STK39: variants seen among roughly 807,000 people sequenced by gnomAD.
STK39 encodes serine/threonine kinase 39, also known as STE20/SPS1-related proline-alanine-rich protein kinase.
Under a neutral mutation model 77.8 loss-of-function variants are expected in STK39, and 20 were observed. The observed-to-expected ratio is 0.26, with a 90% CI of 0.18 to 0.37. The LOEUF (loss-of-function observed/expected upper bound fraction) is 0.37, where lower values mean the gene tolerates loss of function less well. Ranked by LOEUF, STK39 falls within the 10% of genes least tolerant of loss-of-function variation. The pLI, the probability that STK39 is intolerant of heterozygous loss-of-function variation, is 1.00. For synonymous variants in STK39, 246 were observed against 234.1 expected (o/e 1.05, Z -0.47); for missense variants, 479 against 656.5 (o/e 0.73, Z 2.95).
intron 10 of STK39, among the ~76,000 whole-genome samples, chr2:168,081,161 G>A (rs1456624589): frequency 1.3e-5 from 2 of 152,074 alleles, no homozygotes; most frequent in African/African-American, 4.8e-5. Flanking sequence ...ACCCCAGAAT[G>A]GTAGATCCAC....
chr2:167,956,900 T>C (rs557146063), intron 17 of STK39, among the ~76,000 whole-genome samples: 2 of 152,168 alleles, frequency 1.3e-5, no homozygotes, highest in Admixed American at 6.5e-5. Context: ...CAGAGCCTAA[T>C]TCCTGCTAAA....
chr2:167,980,812 C>A (rs1683397763), intron 16 of STK39, among the ~76,000 whole-genome samples: 1 of 144,120 alleles, frequency 6.9e-6, no homozygotes, highest in Admixed American at 6.9e-5. Flanking sequence ...AAGGTTTTAT[C>A]TTCATTTCTT....
At chr2:168,025,053 C>G (rs1338827952) in intron 14 of STK39, among the ~76,000 whole-genome samples, 4 of 152,262 alleles carry the variant, frequency 2.6e-5, no homozygotes, top group African/African-American at 9.6e-5. Flanking sequence ...TTCTGTAATA[C>G]CACCTCCTTC....
At chr2:168,063,700 G>T in intron 13 of STK39, 130 bp from the exon 14 acceptor site, 2 of 716,222 alleles carry the variant, frequency 2.8e-6, no homozygotes, top group Non-Finnish European at 4.6e-6. Context: ...ACACACGCAG[G>T]CCTTCTTTGG....
At chr2:168,209,412 C>A (rs1422244502) in intron 1 of STK39, among the ~76,000 whole-genome samples, 1 of 152,206 alleles carries the variant, frequency 6.6e-6, no homozygotes, top group Non-Finnish European at 1.5e-5. Context: ...CGCGGTGGCT[C>A]ACGCCTGTAA....
At chr2:168,108,774 A>T (rs936367175) in intron 10 of STK39, among the ~76,000 whole-genome samples, 2 of 152,146 alleles carry the variant, frequency 1.3e-5, no homozygotes, top group African/African-American at 4.8e-5. Flanking sequence ...CCAACACCTC[A>T]TTTCTAACAT....
intron 16 of STK39, among the ~76,000 whole-genome samples, chr2:167,989,714 A>G (rs1455671206): frequency 1.3e-5 from 2 of 152,184 alleles, no homozygotes; most frequent in African/African-American, 4.8e-5. Flanking sequence ...CTAGAAAAGT[A>G]AAAATGAAAT....
At chr2:167,969,813 C>T in intron 16 of STK39, among the ~76,000 whole-genome samples, 1 of 152,180 alleles carries the variant, frequency 6.6e-6, no homozygotes, top group East Asian at 1.9e-4. Context: ...AGGCTTCTAA[C>T]ATGTAGGCAG....
intron 16 of STK39, among the ~76,000 whole-genome samples, chr2:167,987,710 C>T (rs1172280528): frequency 3.9e-5 from 6 of 152,110 alleles, no homozygotes; most frequent in African/African-American, 1.4e-4. Context: ...CAAGGAATAG[C>T]GAAACCTCCA....
chr2:168,112,129 A>C (rs928415370), intron 10 of STK39, among the ~76,000 whole-genome samples: 2 of 152,058 alleles, frequency 1.3e-5, no homozygotes, highest in Non-Finnish European at 2.9e-5. Context: ...AAAAAAAAAA[A>C]AACACTGAAC....
intron 1 of STK39, among the ~76,000 whole-genome samples, chr2:168,232,593 TATC>T (rs1690486415): frequency 6.6e-6 from 1 of 152,156 alleles, no homozygotes; most frequent in South Asian, 2.1e-4. Context: ...CTGCCTATAT[TATC>T]TATTTCCAAT....
intron 10 of STK39, among the ~76,000 whole-genome samples, chr2:168,105,222 A>G (rs1237405080): frequency 6.6e-6 from 1 of 152,160 alleles, no homozygotes; most frequent in Non-Finnish European, 1.5e-5. Flanking sequence ...TTAGTATGAG[A>G]ATGAAAGAGA....
chr2:168,052,836 CA>C (rs1559074527), intron 14 of STK39, among the ~76,000 whole-genome samples: 3 of 152,186 alleles, frequency 2.0e-5, no homozygotes, highest in Non-Finnish European at 4.4e-5. Flanking sequence ...AACCCTCTTA[CA>C]TTAAGAAATC....
chr2:168,041,125 A>G (rs1685093632), intron 14 of STK39, among the ~76,000 whole-genome samples: 1 of 152,192 alleles, frequency 6.6e-6, no homozygotes, highest in East Asian at 1.9e-4. Context: ...AGGTGTGTCC[A>G]GGAGGAGCTG....
intron 8 of STK39, 120 bp from the exon 9 acceptor site, chr2:168,129,878 T>C: frequency 9.4e-7 from 1 of 1,068,338 alleles, no homozygotes; most frequent in South Asian, 1.4e-5. Flanking sequence ...ATAGCAAAAC[T>C]GGGAACCAAA....
chr2:168,022,893 T>C (rs1219951049), intron 14 of STK39, among the ~76,000 whole-genome samples: 2 of 152,184 alleles, frequency 1.3e-5, no homozygotes, highest in Non-Finnish European at 2.9e-5. Context: ...TTCATAAACT[T>C]ATAAAACTGA....
At chr2:168,163,980 G>C (rs1443680967) in intron 3 of STK39, 100 bp from the exon 4 acceptor site, 9 of 1,451,250 alleles carry the variant, frequency 6.2e-6, no homozygotes, top group Admixed American at 2.4e-5. Flanking sequence ...ATCAAAATAT[G>C]GGCTTTATTT....
intron 8 of STK39, 31 bp from the exon 9 acceptor site, chr2:168,129,789 A>G (rs1332771920): frequency 4.3e-6 from 7 of 1,609,880 alleles, no homozygotes; most frequent in African/African-American, 2.7e-5. Context: ...TAGAGTTGAA[A>G]CAATGACCAC....
In STK39 at chr2:168,010,026, TATGCTTAAAAGAAG is replaced by T. The variant is rs542666686; in HGVS notation, c.1498+2594_1498+2607del. Among the ~76,000 whole-genome samples the T allele has an allele frequency of 3.2e-3, 480 of 152,348 alleles. 4 individuals are homozygous for T. The highest frequency in any genetic ancestry group is 1.2e-3 in the Non-Finnish European group (79 of 68,036). ...TTGACTGTAGGTCTGAAGCAAGGACTATGCTTAAAAGAAGATGTGACCTAATGCCTTTCCGTCAA... is the reference window on the plus strand; with the variant it reads ...TTGACTGTAGGTCTGAAGCAAGGACTATGTGACCTAATGCCTTTCCGTCAA... On this transcript the variant is annotated intron_variant, in intron 16 of 17. Coordinates refer to ENST00000355999, the MANE Select transcript of STK39 (RefSeq NM_013233.3).
Sources: gnomAD v4.1 joint callset for allele counts (sites outside exome capture counted in the v4.1 genomes callset) on GRCh38, gnomAD v4.1.1 for gene constraint, MANE v1.5 for transcripts, NCBI Gene and HGNC (gene_info 2026-07-23, HGNC 2026-07-21) for gene names.